The following SCP2 variants were observed in gnomAD, a reference collection of about 807,000 sequenced individuals.
The protein encoded by SCP2 is SCP-2/3-oxoacyl-CoA thiolase.
A neutral mutation model predicts 71.4 loss-of-function variants in SCP2; 48 were observed. That is an observed-to-expected ratio of 0.67 (90% CI 0.53 to 0.86). The LOEUF is 0.86. Ranked by LOEUF, SCP2 falls within the 40% of genes least tolerant of loss-of-function variation. SCP2 has a pLI of 0.00. For synonymous variants in SCP2, 220 were observed against 218.1 expected, an observed-to-expected ratio of 1.01 and a Z score of -0.08; for missense variants, 560 against 655.6, an observed-to-expected ratio of 0.85 and a Z score of 1.59.
chr1:53,017,955 A>G (rs1335038278), intron 12 of SCP2, among the ~76,000 whole-genome samples: 1 of 152,084 alleles, frequency 6.6e-6, no homozygotes, highest in Admixed American at 6.6e-5. Flanking sequence ...CCCAGGTGCA[A>G]GTGATTCTCT....
rs1351130262 is a variant in SCP2 at position 53,051,551 on chromosome 1, A to C, written c.*847A>C. The stretch of plus-strand genomic sequence containing the variant: ...TATTTCTTAAAATTCAGTGAGATAT[A>C]GGATAAAATAATGCTTTGAGAAGAA... On this transcript the variant is annotated 3_prime_UTR_variant, in exon 16 of 16. Coordinates refer to ENST00000371514, the MANE Select transcript of SCP2 (RefSeq NM_002979.5). 1 of 152,194 alleles carries C rather than the reference A, an allele frequency of 6.6e-6. No homozygotes were observed. The highest frequency in any genetic ancestry group is 1.5e-5 in the Non-Finnish European group (1 of 68,034). 9.4% of individuals were successfully genotyped at this position (152,194 alleles called of 1,614,324 possible). A position where few individuals can be genotyped will look rare whatever the true frequency, so the allele number is the denominator to read the frequency against.
At chr1:53,049,839 T>C (rs1664086676) in intron 15 of SCP2, 1 of 152,140 alleles carries the variant, frequency 6.6e-6, no homozygotes, top group Admixed American at 6.5e-5. Context: ...GTAGAAGAGC[T>C]CCTAGCTTCT....
intron 2 of SCP2, among the ~76,000 whole-genome samples, chr1:52,944,988 A>G (rs1654640816): frequency 6.6e-6 from 1 of 151,972 alleles, no homozygotes; most frequent in South Asian, 2.1e-4. Flanking sequence ...CCAGCTAAAC[A>G]TACCTTTTTG....
intron 4 of SCP2, among the ~76,000 whole-genome samples, chr1:52,954,357 A>G (rs1225150576): frequency 2.0e-5 from 3 of 150,558 alleles, no homozygotes; most frequent in Non-Finnish European, 4.4e-5. Context: ...AACAACAAAA[A>G]CCTTTGTGGG....
rs187728844 is a variant in SCP2, at chr1:53,024,839, T to A, written c.1236-3130T>A. Among the ~76,000 whole-genome samples the A allele has an allele frequency of 2.3e-3, 352 of 152,214 alleles. 1 individual carries two copies. Among genetic ancestry groups the A allele is most frequent in the Middle Eastern group, 0.017 (5 of 294 alleles). On this transcript the variant is annotated intron_variant, in intron 12 of 15. Coordinates refer to ENST00000371514, the MANE Select transcript of SCP2 (RefSeq NM_002979.5). ...CACCTGCCTCGGCGTCCCAAAGTGC[T>A]GGGATTACAGGTGTGAGCTACCACG...
intron 2 of SCP2, 122 bp downstream of exon 2, chr1:52,941,975 C>T (rs992186895): frequency 7.0e-6 from 5 of 710,952 alleles, no homozygotes; most frequent in South Asian, 6.0e-5. Context: ...AGAACCCGTA[C>T]AGAGAAATGT....
rs1234710638 is a variant in SCP2, at chr1:52,976,807, A to G, written c.674+38A>G. The G allele has an allele frequency of 1.1e-5, 11 of 1,033,646 alleles. No individual in the cohort carries two copies. In the Admixed American group the frequency reaches 1.7e-4, roughly 16 times the overall value. 64.0% of individuals were successfully genotyped at this position (1,033,646 alleles called of 1,614,324 possible). A position where few individuals can be genotyped will look rare whatever the true frequency, so the allele number is the denominator to read the frequency against. The stretch of plus-strand genomic sequence containing the variant: ...TATTTTAACATTTAATGAGGGAAGT[A>G]ACTGCTGCCCTTCCTGCCACCCCCC... On this transcript the variant is annotated intron_variant, in intron 8 of 15. Transcript: ENST00000371514.
At chr1:52,939,559 A>AAAACG (rs1654027616) in intron 1 of SCP2, among the ~76,000 whole-genome samples, 1 of 152,184 alleles carries the variant, frequency 6.6e-6, no homozygotes, top group Non-Finnish European at 1.5e-5. Flanking sequence ...AAAACAAAAC[A>AAAACG]ACAACAAAAA....
At chr1:52,987,933 C>T (rs1218569859) in intron 10 of SCP2, 96 bp from the exon 11 acceptor site, 2 of 735,460 alleles carry the variant, frequency 2.7e-6, no homozygotes, top group Non-Finnish European at 2.5e-6. Context: ...AATATTTGCT[C>T]CAAGAAATTC....
chr1:53,013,106 CTTTTTTTTT>C (rs754111443), intron 11 of SCP2, among the ~76,000 whole-genome samples: 1 of 104,646 alleles, frequency 9.6e-6, no homozygotes, highest in African/African-American at 3.9e-5. Context: ...GTGGAGCTAC[CTTTTTTTTT>C]TTTTTTTTTT....
intron 13 of SCP2, among the ~76,000 whole-genome samples, chr1:53,031,586 C>T (rs1169051748): frequency 6.6e-6 from 1 of 152,180 alleles, no homozygotes; most frequent in East Asian, 1.9e-4. Flanking sequence ...TTTGCCTACT[C>T]AGAAAGAAGT....
chr1:52,958,520 C>T (rs531670408), intron 5 of SCP2, among the ~76,000 whole-genome samples: 54 of 152,070 alleles, frequency 3.6e-4, no homozygotes, highest in African/African-American at 1.3e-3. Context: ...TATGAGGCAC[C>T]GCGCCTGGCC....
At chr1:53,013,463 C>T (rs182133724) in intron 11 of SCP2, among the ~76,000 whole-genome samples, 2,697 of 145,578 alleles carry the variant, frequency 0.019, 102 homozygotes, top group African/African-American at 0.065. Context: ...GGAGTGGTGG[C>T]GCATGCCTGG....
chr1:53,036,680 T>G (rs533947726), intron 13 of SCP2, among the ~76,000 whole-genome samples: 1 of 151,486 alleles, frequency 6.6e-6, no homozygotes, highest in Admixed American at 6.6e-5. Context: ...CTTTTCTGTT[T>G]AATATAATTA....
chr1:52,942,753 C>CA (rs1395422077), intron 2 of SCP2, among the ~76,000 whole-genome samples: 1 of 135,356 alleles, frequency 7.4e-6, no homozygotes, highest in Non-Finnish European at 1.5e-5. Flanking sequence ...AGGTAGAGTG[C>CA]AAATGGCATG....
chr1:53,037,875 TAC>T (rs1298266602), intron 13 of SCP2, among the ~76,000 whole-genome samples: 1 of 96,516 alleles, frequency 1.0e-5, no homozygotes, highest in African/African-American at 4.7e-5. Flanking sequence ...ATCCTGTCTC[TAC>T]ATACACACAC....
chr1:52,949,388 C>T (rs1031592331), intron 3 of SCP2, among the ~76,000 whole-genome samples: 1 of 152,148 alleles, frequency 6.6e-6, no homozygotes, highest in East Asian at 1.9e-4. Context: ...AATGCTTGTT[C>T]CTTGGTGCCA....
At chr1:52,995,291 T>C (rs1433656688) in intron 11 of SCP2, 2 of 483,778 alleles carry the variant, frequency 4.1e-6, no homozygotes, top group Non-Finnish European at 8.3e-6. Flanking sequence ...CATCAGTCGG[T>C]AGAGAACACT....
At chr1:52,976,207 T>G (rs1382093954) in intron 7 of SCP2, among the ~76,000 whole-genome samples, 2 of 152,050 alleles carry the variant, frequency 1.3e-5, no homozygotes, top group Non-Finnish European at 2.9e-5. Context: ...ATGTCCAGAT[T>G]TTTTACTGGG....
Sources: gnomAD v4.1 joint callset for allele counts (sites outside exome capture counted in the v4.1 genomes callset) on GRCh38, gnomAD v4.1.1 for gene constraint, MANE v1.5 for transcripts, NCBI Gene and HGNC (gene_info 2026-07-23, HGNC 2026-07-21) for gene names.